Variants in DTNA observed in about 807,000 individuals in gnomAD.
DTNA encodes the protein dystrobrevin alpha.
In DTNA, 43 loss-of-function variants were observed where a neutral mutation model predicts 100.7. That is an observed-to-expected ratio of 0.43 (90% CI 0.33 to 0.55). The LOEUF (loss-of-function observed/expected upper bound fraction) is 0.55, where lower values mean the gene tolerates loss of function less well. Among genes scored for constraint, DTNA ranks in the 20% least tolerant of loss-of-function variants. DTNA has a pLI of 0.04. For missense variants in DTNA, 798 were observed against 953.9 expected, an observed-to-expected ratio of 0.84 and a Z score of 2.15; for synonymous variants, 349 against 347.9, an observed-to-expected ratio of 1.00 and a Z score of -0.04.
intron 1 of DTNA, among the ~76,000 whole-genome samples, chr18:34,504,759 C>T (rs1395990555): frequency 1.3e-5 from 2 of 152,090 alleles, no homozygotes; most frequent in African/African-American, 4.8e-5. Flanking sequence ...GTTTATAAAA[C>T]TTTTTTGTCT....
chr18:34,862,140 A>AAAAAAAAAAG (rs1555881848), intron 16 of DTNA, among the ~76,000 whole-genome samples: 4 of 146,924 alleles, frequency 2.7e-5, no homozygotes, highest in Non-Finnish European at 4.5e-5. Flanking sequence ...AAAAAAAAAA[A>AAAAAAAAAAG]AAAGAGAAAG....
intron 1 of DTNA, among the ~76,000 whole-genome samples, chr18:34,579,283 A>G (rs560148893): frequency 1.2e-4 from 18 of 152,326 alleles, no homozygotes; most frequent in African/African-American, 4.1e-4. Flanking sequence ...AGTTTTTAAA[A>G]TATGAATAGA....
intron 9 of DTNA, among the ~76,000 whole-genome samples, chr18:34,823,045 T>C (rs1322083187): frequency 2.0e-5 from 3 of 152,118 alleles, no homozygotes; most frequent in Non-Finnish European, 2.9e-5. Context: ...TAGAAAAGAA[T>C]TTTTTTTCTA....
intron 1 of DTNA, among the ~76,000 whole-genome samples, chr18:34,603,623 G>C (rs1459036225): frequency 6.6e-6 from 1 of 151,962 alleles, no homozygotes; most frequent in Non-Finnish European, 1.5e-5. Flanking sequence ...TAATACTGTT[G>C]AGGAATATTA....
chr18:34,779,214 A>T (rs867851074), intron 3 of DTNA, among the ~76,000 whole-genome samples: 1 of 152,330 alleles, frequency 6.6e-6, no homozygotes, highest in African/African-American at 2.4e-5. Flanking sequence ...CAGAATGATA[A>T]GAATTGTTTT....
At chr18:34,837,248 T>C (rs1164494063) in intron 11 of DTNA, among the ~76,000 whole-genome samples, 1 of 152,180 alleles carries the variant, frequency 6.6e-6, no homozygotes, top group African/African-American at 2.4e-5. Flanking sequence ...TCAAACACAT[T>C]ACCAATACAA....
chr18:34,850,879 G>T (rs2096466152), intron 14 of DTNA, among the ~76,000 whole-genome samples: 1 of 152,138 alleles, frequency 6.6e-6, no homozygotes, highest in African/African-American at 2.4e-5. Flanking sequence ...TGAGAATGGA[G>T]AAAGCTGTGA....
At chr18:34,829,873 G>A (rs980308987) in intron 11 of DTNA, among the ~76,000 whole-genome samples, 1 of 152,194 alleles carries the variant, frequency 6.6e-6, no homozygotes, top group African/African-American at 2.4e-5. Context: ...GGTGAGGCTA[G>A]GACAATGTCA....
At chr18:34,506,456 A>G (rs779396664) in intron 1 of DTNA, among the ~76,000 whole-genome samples, 1 of 152,216 alleles carries the variant, frequency 6.6e-6, no homozygotes, top group Non-Finnish European at 1.5e-5. Context: ...GTCTTGTTAC[A>G]GCTTGGCAAG....
intron 1 of DTNA, among the ~76,000 whole-genome samples, chr18:34,536,509 G>T (rs1452086282): frequency 6.6e-6 from 1 of 151,842 alleles, no homozygotes; most frequent in East Asian, 1.9e-4. Flanking sequence ...GTTTACTACT[G>T]ACATTTAGCA....
At chr18:34,877,397 C>G (rs2096828976) in intron 18 of DTNA, among the ~76,000 whole-genome samples, 2 of 152,192 alleles carry the variant, frequency 1.3e-5, no homozygotes, top group African/African-American at 4.8e-5. Context: ...ACTGGTTTAC[C>G]TGGAACCATC....
chr18:34,645,012 G>A (rs2059680330), intron 1 of DTNA, among the ~76,000 whole-genome samples: 1 of 151,996 alleles, frequency 6.6e-6, no homozygotes, highest in Non-Finnish European at 1.5e-5. Flanking sequence ...GTAAGGTAAC[G>A]ACAAACTGAA....
intron 1 of DTNA, among the ~76,000 whole-genome samples, chr18:34,524,668 G>A (rs1258641780): frequency 6.6e-6 from 1 of 152,008 alleles, no homozygotes; most frequent in East Asian, 1.9e-4. Flanking sequence ...CTGGTGCTCT[G>A]GTATGCAAAC....
At position 34,499,587 on chromosome 18, in the gene DTNA, A is replaced by G. The variant is rs182083828; in HGVS notation, c.-2+6073A>G. 8.5e-5 allele frequency among the ~76,000 whole-genome samples: 13 copies of G among 152,342 alleles called. 1 individual carries two copies. Among genetic ancestry groups the G allele is most frequent in the Admixed American group, 8.5e-4 (13 of 15,308 alleles). On this transcript the variant is annotated intron_variant, in intron 1 of 19. Coordinates refer to the DTNA transcript ENST00000283365. Reference sequence around the variant, plus strand: ...GATGTGCCATTTTACATCCCCATCAACAATATATGAGAAATAAGTTTCTCT... The same window carrying G: ...GATGTGCCATTTTACATCCCCATCAGCAATATATGAGAAATAAGTTTCTCT...
chr18:34,553,582 T>C (rs1157355996), intron 1 of DTNA, among the ~76,000 whole-genome samples: 1 of 152,178 alleles, frequency 6.6e-6, no homozygotes, highest in African/African-American at 2.4e-5. Flanking sequence ...GGATCCAGTT[T>C]CAGCTTTCTC....
At chr18:34,617,286 G>A (rs932005778) in intron 1 of DTNA, among the ~76,000 whole-genome samples, 1 of 152,116 alleles carries the variant, frequency 6.6e-6, no homozygotes, top group Non-Finnish European at 1.5e-5. Flanking sequence ...CTATTTTAAG[G>A]CATGTTCCTT....
chr18:34,545,993 G>C (rs1445211347), intron 1 of DTNA, among the ~76,000 whole-genome samples: 1 of 152,048 alleles, frequency 6.6e-6, no homozygotes, highest in Non-Finnish European at 1.5e-5. Context: ...ATTCATTAAG[G>C]ATCTATGGGA....
chr18:34,639,539 C>T (rs1295243710), intron 1 of DTNA, among the ~76,000 whole-genome samples: 1 of 152,166 alleles, frequency 6.6e-6, no homozygotes, highest in African/African-American at 2.4e-5. Context: ...AGATACCTCA[C>T]CTCCAAGCCT....
chr18:34,654,188 C>A (rs1220404575), intron 1 of DTNA, among the ~76,000 whole-genome samples: 2 of 152,196 alleles, frequency 1.3e-5, no homozygotes, highest in African/African-American at 4.8e-5. Flanking sequence ...TAGTGACATT[C>A]TCAAATAGCT....
Sources: allele counts gnomAD v4.1 joint callset (sites outside exome capture counted in the v4.1 genomes callset), GRCh38; gene constraint gnomAD v4.1.1; transcripts MANE v1.5; gene names NCBI Gene and HGNC (gene_info 2026-07-23, HGNC 2026-07-21).